The following DCHS2 variants were observed in gnomAD, a reference collection of about 807,000 sequenced individuals.
DCHS2 encodes dachsous cadherin-related 2, also known as protocadherin-23.
Under a neutral mutation model 182.4 loss-of-function variants are expected in DCHS2, and 142 were observed. The observed-to-expected ratio is 0.78, with a 90% confidence interval of 0.68 to 0.89. The LOEUF (loss-of-function observed/expected upper bound fraction) is 0.89, where lower values mean the gene tolerates loss of function less well. Among genes scored for constraint, DCHS2 ranks in the 40% least tolerant of loss-of-function variants. DCHS2 has a pLI of 0.00. For missense variants in DCHS2, 4,319 were observed against 4,198.6 expected (o/e 1.03, Z -0.79); for synonymous variants, 1,740 against 1,663.3 (o/e 1.05, Z -1.12).
At chr4:154,453,467 C>A (rs1236356229) in intron 1 of DCHS2, among the ~76,000 whole-genome samples, 1 of 152,110 alleles carries the variant, frequency 6.6e-6, no homozygotes, top group Non-Finnish European at 1.5e-5. Flanking sequence ...CTGACAGCCT[C>A]CAGCTGCCAT....
chr4:154,306,700 C>G (rs1735452770), intron 10 of DCHS2, among the ~76,000 whole-genome samples: 1 of 151,912 alleles, frequency 6.6e-6, no homozygotes, highest in African/African-American at 2.4e-5. Context: ...ATATATACAC[C>G]ATTTCATATT....
chr4:154,391,350 G>A, intron 1 of DCHS2: 1 of 1,543,806 alleles, frequency 6.5e-7, no homozygotes, highest in Non-Finnish European at 8.7e-7. Flanking sequence ...TCTCTGGCAT[G>A]AACCCTTTCC....
At chr4:154,366,129 C>T in intron 3 of DCHS2, 81 bp downstream of exon 3, 2 of 1,161,012 alleles carry the variant, frequency 1.7e-6, no homozygotes, top group Non-Finnish European at 2.5e-6. Flanking sequence ...AAAAAAGTCA[C>T]TTTTTCTAAT....
chr4:154,382,929 AAAG>A (rs1228288865), intron 1 of DCHS2, among the ~76,000 whole-genome samples: 2 of 152,204 alleles, frequency 1.3e-5, no homozygotes, highest in African/African-American at 4.8e-5. Flanking sequence ...GCCACTGTGG[AAAG>A]AAGGATGGAG....
At chr4:154,320,130 A>C (rs1735999745) in intron 9 of DCHS2, among the ~76,000 whole-genome samples, 1 of 152,170 alleles carries the variant, frequency 6.6e-6, no homozygotes, top group African/African-American at 2.4e-5. Context: ...GAAGTATCTA[A>C]AATAGTCTAA....
chr4:154,370,860 C>A (rs987751559), intron 2 of DCHS2, among the ~76,000 whole-genome samples: 61 of 152,172 alleles, frequency 4.0e-4, no homozygotes, highest in Middle Eastern at 3.4e-3. Flanking sequence ...AATGGGAAAA[C>A]TAAAGGGAGT....
chr4:154,255,705 T>G (rs1344761856), intron 15 of DCHS2, 35 bp from the exon 16 acceptor site: 1 of 1,598,162 alleles, frequency 6.3e-7, no homozygotes, highest in Non-Finnish European at 8.5e-7. Context: ...AGATAAGATT[T>G]ATTCTGCAAT....
intron 1 of DCHS2, among the ~76,000 whole-genome samples, chr4:154,481,895 GACACCTGGAAAT>G (rs1560783781): frequency 6.6e-6 from 1 of 152,142 alleles, no homozygotes; most frequent in Non-Finnish European, 1.5e-5. Context: ...CCAAATGAAG[GACACCTGGAAAT>G]AATGAGAACG....
rs370492386 is a variant in DCHS2 at position 154,321,175 on chromosome 4, T to C, written c.4224A>G (p.Arg1408=). 1.3e-6 allele frequency: 2 copies of C among 1,578,724 alleles called. No individual in the cohort carries two copies. Among genetic ancestry groups the C allele is most frequent in the Non-Finnish European group, 1.7e-6 (2 of 1,159,820 alleles). ...TCAAATTTTCTGGTATAATTAAATG[T>C]CTAATATTCTGAGACATGATTGCTC... ...KGRAIMSQNI[R]HLIIPENLKP... is the part of the protein sequence containing the mutation. The change falls in exon 9 of 20, where the codon AGA becomes AGG. Residue 1408 remains arginine, a synonymous_variant. Coordinates refer to ENST00000357232, the MANE Select transcript of DCHS2 (RefSeq NM_001358235.2).
intron 13 of DCHS2, among the ~76,000 whole-genome samples, chr4:154,284,817 AT>A (rs901695054): frequency 2.0e-5 from 3 of 152,138 alleles, no homozygotes; most frequent in Non-Finnish European, 4.4e-5. Context: ...AAGGACCACA[AT>A]TCCTGGATAA....
At chr4:154,367,919 TGCTCTGA>T (rs71600320) in intron 2 of DCHS2, among the ~76,000 whole-genome samples, 1 of 151,332 alleles carries the variant, frequency 6.6e-6, no homozygotes, top group Non-Finnish European at 1.5e-5. Context: ...ACGGCTGTCC[TGCTCTGA>T]GCTCTGAGCT....
intron 1 of DCHS2, among the ~76,000 whole-genome samples, chr4:154,434,862 C>T (rs1408942577): frequency 2.6e-5 from 4 of 152,060 alleles, no homozygotes; most frequent in African/African-American, 9.7e-5. Context: ...GGACATTTTA[C>T]AAAATACCTG....
intron 3 of DCHS2, among the ~76,000 whole-genome samples, chr4:154,356,845 A>G (rs1362640505): frequency 6.6e-6 from 1 of 152,154 alleles, no homozygotes; most frequent in Non-Finnish European, 1.5e-5. Context: ...CCCATCTTTG[A>G]GCAATGCATG....
At chr4:154,260,144 A>T (rs1732916643) in intron 14 of DCHS2, among the ~76,000 whole-genome samples, 1 of 152,186 alleles carries the variant, frequency 6.6e-6, no homozygotes, top group Non-Finnish European at 1.5e-5. Context: ...AAAATGACTC[A>T]AAGCATCTTT....
At chr4:154,469,729 C>T (rs1735381838) in intron 1 of DCHS2, among the ~76,000 whole-genome samples, 2 of 152,290 alleles carry the variant, frequency 1.3e-5, no homozygotes, top group South Asian at 2.1e-4. Flanking sequence ...GTCTCAGTGC[C>T]TTTGTACTTA....
intron 1 of DCHS2, among the ~76,000 whole-genome samples, chr4:154,474,192 A>G (rs1028391558): frequency 2.0e-5 from 3 of 152,144 alleles, no homozygotes; most frequent in African/African-American, 4.8e-5. Flanking sequence ...CATGACACCA[A>G]TAACTGGAAT....
rs1165234999 is a variant in DCHS2 at position 154,369,422 on chromosome 4, AAC to A, written c.2245-2983_2245-2982del. Among the ~76,000 whole-genome samples, 25 of 152,330 alleles carry A rather than the reference AAC, an allele frequency of 1.6e-4. No homozygotes were observed. In the South Asian group the frequency reaches 4.8e-3, roughly 29 times the overall value. On this transcript the variant is annotated intron_variant, in intron 2 of 19. Transcript: ENST00000357232. Reference sequence around the variant, plus strand: ...ATATTGGGAAACCAGTTTCCCACAGAACACAGTGCGGGAATAGCTGATCTAAA... The same window carrying A: ...ATATTGGGAAACCAGTTTCCCACAGAACAGTGCGGGAATAGCTGATCTAAA...
intron 13 of DCHS2, among the ~76,000 whole-genome samples, chr4:154,294,136 A>G (rs1252492222): frequency 6.6e-6 from 1 of 152,220 alleles, no homozygotes; most frequent in Non-Finnish European, 1.5e-5. Context: ...TCTTAGACTT[A>G]TAACTACTGG....
chr4:154,244,230 G>A (rs1423020681), intron 16 of DCHS2, among the ~76,000 whole-genome samples: 2 of 152,160 alleles, frequency 1.3e-5, no homozygotes, highest in East Asian at 1.9e-4. Flanking sequence ...TCTATAGTAA[G>A]TATTGAATGT....
Sources: allele counts gnomAD v4.1 joint callset (sites outside exome capture counted in the v4.1 genomes callset), GRCh38; gene constraint gnomAD v4.1.1; transcripts MANE v1.5; gene names NCBI Gene and HGNC (gene_info 2026-07-23, HGNC 2026-07-21).